The following MAF variants were observed in gnomAD, a reference collection of about 807,000 sequenced individuals.
MAF encodes the protein transcription factor Maf.
MAF carries 10 observed loss-of-function variants against 22.0 expected under a neutral mutation model. That is an observed-to-expected ratio of 0.45 (90% CI 0.28 to 0.77). The LOEUF is 0.77. MAF is among the 30% of genes least tolerant of loss of function. The pLI, the probability that MAF is intolerant of heterozygous loss-of-function variation, is 0.12. For synonymous variants in MAF, 337 were observed against 255.8 expected, an observed-to-expected ratio of 1.32 and a Z score of -3.03; for missense variants, 544 against 548.4, an observed-to-expected ratio of 0.99 and a Z score of 0.08.
chr16:79,383,568 C>A, the MAF span, among the ~76,000 whole-genome samples: 14 of 152,334 alleles, frequency 9.2e-5, no homozygotes, highest in African/African-American at 3.4e-4. Context: ...ATGCTTTGAT[C>A]TCAAGAAGCC....
the MAF span, among the ~76,000 whole-genome samples, chr16:79,215,868 C>G: frequency 0.6 from 91,196 of 152,002 alleles, 28,103 homozygotes; most frequent in Non-Finnish European, 0.66. Context: ...AAGTTATCTA[C>G]GTTACTTGAA....
the MAF span, among the ~76,000 whole-genome samples, chr16:79,272,936 A>G: frequency 6.6e-6 from 1 of 152,170 alleles, no homozygotes; most frequent in Admixed American, 6.5e-5. Context: ...AGAAGAGTTT[A>G]TTTTGCCTCT....
chr16:79,579,532 G>T, the MAF span, among the ~76,000 whole-genome samples: 3 of 151,988 alleles, frequency 2.0e-5, no homozygotes, highest in African/African-American at 4.8e-5. Flanking sequence ...TAAATTACAA[G>T]TCACTTTATT....
downstream of MAF, among the ~76,000 whole-genome samples, chr16:79,593,350 C>T (rs1567561356): frequency 6.6e-6 from 1 of 152,172 alleles, no homozygotes; most frequent in Non-Finnish European, 1.5e-5. Flanking sequence ...GCTACCGAGA[C>T]AGCTGTGTGC....
the MAF span, among the ~76,000 whole-genome samples, chr16:79,382,573 G>T: frequency 1.3e-5 from 2 of 152,152 alleles, no homozygotes; most frequent in African/African-American, 4.8e-5. Flanking sequence ...GTAGAGAATG[G>T]CACACCTGAT....
At chr16:79,465,919 T>C in the MAF span, among the ~76,000 whole-genome samples, 1 of 152,242 alleles carries the variant, frequency 6.6e-6, no homozygotes, top group Non-Finnish European at 1.5e-5. Flanking sequence ...ATGATTATGA[T>C]GGATACATTT....
At chr16:79,398,814 A>G in the MAF span, among the ~76,000 whole-genome samples, 1 of 152,084 alleles carries the variant, frequency 6.6e-6, no homozygotes, top group South Asian at 2.1e-4. Flanking sequence ...CTCAACCCCA[A>G]GACTAGGTTC....
the MAF span, among the ~76,000 whole-genome samples, chr16:79,424,328 C>T: frequency 2.0e-5 from 3 of 152,098 alleles, no homozygotes; most frequent in African/African-American, 4.8e-5. Context: ...GACTGGAATT[C>T]GAATTCAATA....
the MAF span, chr16:79,203,124 G>C: frequency 6.6e-6 from 1 of 152,188 alleles, no homozygotes; most frequent in Non-Finnish European, 1.5e-5. Context: ...CGCTGCTGGT[G>C]AATGAAATAT....
the MAF span, among the ~76,000 whole-genome samples, chr16:79,414,643 G>T: frequency 6.6e-6 from 1 of 152,230 alleles, no homozygotes; most frequent in African/African-American, 2.4e-5. Flanking sequence ...AGTGCTCAAG[G>T]AGCTTGAAAG....
the MAF span, chr16:79,205,119 C>T: frequency 6.6e-6 from 1 of 152,184 alleles, no homozygotes; most frequent in Admixed American, 6.5e-5. Context: ...GAACAGAAGC[C>T]TGTGAGCACG....
chr16:79,320,987 A>T, the MAF span, among the ~76,000 whole-genome samples: 1 of 152,194 alleles, frequency 6.6e-6, no homozygotes, highest in East Asian at 1.9e-4. Context: ...CAGTTCCAAG[A>T]GGTGGGGTTA....
chr16:79,462,853 G>A, the MAF span, among the ~76,000 whole-genome samples: 4 of 152,158 alleles, frequency 2.6e-5, no homozygotes, highest in Admixed American at 6.5e-5. Context: ...CCTTTATAAA[G>A]TCTGTATTTT....
the MAF span, among the ~76,000 whole-genome samples, chr16:79,313,337 C>A: frequency 6.6e-6 from 1 of 152,080 alleles, no homozygotes; most frequent in Admixed American, 6.6e-5. Context: ...AGCACAAGGG[C>A]TTTTCTGAGG....
the MAF span, among the ~76,000 whole-genome samples, chr16:79,345,117 C>G: frequency 6.6e-6 from 1 of 152,152 alleles, no homozygotes; most frequent in African/African-American, 2.4e-5. Flanking sequence ...AGTAAATGTA[C>G]CCTAACCGTT....
At chr16:79,471,618 A>C in the MAF span, among the ~76,000 whole-genome samples, 15 of 152,322 alleles carry the variant, frequency 9.8e-5, no homozygotes, top group African/African-American at 3.4e-4. Context: ...CAGAGGTTGC[A>C]GTGAGCTGAG....
At chr16:79,453,737 T>C in the MAF span, among the ~76,000 whole-genome samples, 6 of 152,320 alleles carry the variant, frequency 3.9e-5, 1 homozygote, top group Middle Eastern at 6.8e-3. Flanking sequence ...ACAGCACCAA[T>C]AGAACGTCAC....
At chr16:79,230,070 T>A in the MAF span, among the ~76,000 whole-genome samples, 1 of 152,124 alleles carries the variant, frequency 6.6e-6, no homozygotes, top group Non-Finnish European at 1.5e-5. Context: ...TCACTGAGAA[T>A]GTATTTAATC....
the MAF span, among the ~76,000 whole-genome samples, chr16:79,557,752 T>C: frequency 2.0e-5 from 3 of 152,058 alleles, no homozygotes. Flanking sequence ...TCAACTCATA[T>C]GTGTTAAGTG....
Sources: gnomAD v4.1 joint callset for allele counts (sites outside exome capture counted in the v4.1 genomes callset) on GRCh38, gnomAD v4.1.1 for gene constraint, MANE v1.5 for transcripts, NCBI Gene and HGNC (gene_info 2026-07-23, HGNC 2026-07-21) for gene names.